Variants in BSPRY observed in about 807,000 individuals in gnomAD.
BSPRY encodes the protein B-box and SPRY domain containing, also known as B box and SPRY domain-containing protein.
A neutral mutation model predicts 38.0 loss-of-function variants in BSPRY; 33 were observed. The observed-to-expected ratio is 0.87, with a 90% confidence interval of 0.66 to 1.16. The LOEUF (loss-of-function observed/expected upper bound fraction) is 1.16, where lower values mean the gene tolerates loss of function less well. Ranked by LOEUF, BSPRY falls within the 50% of genes most tolerant of loss-of-function variation. The pLI, the probability that BSPRY is intolerant of heterozygous loss-of-function variation, is 0.00. For missense variants in BSPRY, 523 were observed against 533.2 expected (o/e 0.98, Z 0.19); for synonymous variants, 224 against 228.5 (o/e 0.98, Z 0.18).
Position 113,363,866 on chromosome 9 carries a change from G to A in BSPRY, c.557+1472G>A, listed in dbSNP as rs187158918. 4.5e-3 allele frequency among the ~76,000 whole-genome samples: 442 copies of A among 99,168 alleles called. 1 individual carries two copies. The highest frequency in any genetic ancestry group is 0.013 in the Admixed American group (84 of 6,256). The allele number at this position is 99,168 out of a possible 152,430, so 65.1% of individuals were successfully genotyped here. ...CACTCCAGCCTGGGTGACAGAGTGA[G>A]ACTCCACCTCAAAAAAAAAAAAAAA... On this transcript the variant is annotated intron_variant, in intron 4 of 5. Transcript: ENST00000374183.
At chr9:113,360,046 T>C (rs1077636) in intron 2 of BSPRY, among the ~76,000 whole-genome samples, 92,762 of 151,956 alleles carry the variant, frequency 0.61, 28,732 homozygotes, top group South Asian at 0.71. Flanking sequence ...AAATGGACAG[T>C]TTTAGGAAGT....
intron 2 of BSPRY, among the ~76,000 whole-genome samples, chr9:113,358,847 G>A (rs572555251): frequency 3.2e-4 from 48 of 152,204 alleles, no homozygotes; most frequent in African/African-American, 1.1e-3. Context: ...TGTGGGTAAG[G>A]CATTAAAGTG....
chr9:113,356,744 T>C (rs1834066233), intron 2 of BSPRY, among the ~76,000 whole-genome samples: 2 of 151,628 alleles, frequency 1.3e-5, no homozygotes, highest in Admixed American at 1.3e-4. Flanking sequence ...AGAGGGGAGG[T>C]GTCAGGATAA....
At position 113,370,637 on chromosome 9, in the gene BSPRY, G is replaced by A. The variant is rs1834333793; in HGVS notation, c.*495G>A. ...TCTAGCATGGTGCCTGGTGCATAGTGAGCATGCAATAAATATTTGGCAGGT... is the reference window on the plus strand; with the variant it reads ...TCTAGCATGGTGCCTGGTGCATAGTAAGCATGCAATAAATATTTGGCAGGT... On this transcript the variant is annotated 3_prime_UTR_variant, in exon 6 of 6. Coordinates refer to ENST00000374183, the MANE Select transcript of BSPRY (RefSeq NM_017688.3). The surrounding 1 kb of genome is among the most constrained non-coding windows in gnomAD (Gnocchi z 4.8). The A allele has an allele frequency of 1.3e-5, 2 of 152,664 alleles. No individual in the cohort carries two copies. Among genetic ancestry groups the A allele is most frequent in the African/African-American group, 4.8e-5 (2 of 41,448 alleles). 9.5% of individuals were successfully genotyped at this position (152,664 alleles called of 1,614,324 possible).
At chr9:113,369,121 G>C (rs1834299029) in intron 5 of BSPRY, among the ~76,000 whole-genome samples, 1 of 152,026 alleles carries the variant, frequency 6.6e-6, no homozygotes, top group Non-Finnish European at 1.5e-5. Context: ...ATATTTGCTA[G>C]AAATTGCTTA....
rs552734879 is a variant in BSPRY at position 113,369,979 on chromosome 9, G to A, written c.1046G>A (p.Arg349Gln). The A allele has an allele frequency of 1.1e-5, 17 of 1,614,094 alleles. No homozygotes were observed. The highest frequency in any genetic ancestry group is 5.0e-5 in the Admixed American group (3 of 60,030). Reference sequence around the variant, plus strand: ...CAGCACGAGCCCCTGGGGCTGCTGCGGGGCCCAGCCCAGCTGGGTGTAGTG... The same window carrying A: ...CAGCACGAGCCCCTGGGGCTGCTGCAGGGCCCAGCCCAGCTGGGTGTAGTG... ...NGQHEPLGLL[R>Q]GPAQLGVVLD... The change falls in exon 6 of 6, where the codon CGG becomes CAG. Residue 349 changes from arginine to glutamine, a missense_variant. Arg to Gln is a conservative substitution (Grantham distance 43). Coordinates refer to ENST00000374183, the MANE Select transcript of BSPRY (RefSeq NM_017688.3).
chr9:113,353,509 C>G (rs1440883490), intron 1 of BSPRY, among the ~76,000 whole-genome samples: 2 of 152,024 alleles, frequency 1.3e-5, no homozygotes, highest in Non-Finnish European at 2.9e-5. Flanking sequence ...TCGAAACCAG[C>G]CTGGCCAACA....
At chr9:113,368,190 AC>A (rs1318108101) in intron 4 of BSPRY, 68 bp from the exon 5 acceptor site, 26 of 1,574,620 alleles carry the variant, frequency 1.7e-5, no homozygotes, top group Non-Finnish European at 2.3e-5. Flanking sequence ...TCTTCTCTTC[AC>A]CCCATATTGA....
chr9:113,355,265 C>T (rs2118908027), intron 2 of BSPRY, among the ~76,000 whole-genome samples: 1 of 152,346 alleles, frequency 6.6e-6, no homozygotes, highest in African/African-American at 2.4e-5. Context: ...CATATCCCCT[C>T]CCTCCTTTCC....
chr9:113,352,228 T>C (rs559148126), intron 1 of BSPRY, among the ~76,000 whole-genome samples: 3 of 152,206 alleles, frequency 2.0e-5, no homozygotes, highest in African/African-American at 4.8e-5. Flanking sequence ...TCAACAAATA[T>C]TTATTCAGGG....
chr9:113,358,210 T>G (rs1834094828), intron 2 of BSPRY, among the ~76,000 whole-genome samples: 1 of 151,180 alleles, frequency 6.6e-6, no homozygotes, highest in South Asian at 2.1e-4. Context: ...ATTGCATCAC[T>G]GCATTCTAGC....
intron 3 of BSPRY, 34 bp downstream of exon 3, chr9:113,360,771 G>T: frequency 6.6e-7 from 1 of 1,512,770 alleles, no homozygotes; most frequent in Non-Finnish European, 9.0e-7. Flanking sequence ...ATGACCAGTT[G>T]GCCAGGCTCC....
At chr9:113,355,913 G>T (rs188407012) in intron 2 of BSPRY, among the ~76,000 whole-genome samples, 1 of 152,118 alleles carries the variant, frequency 6.6e-6, no homozygotes, top group African/African-American at 2.4e-5. Flanking sequence ...ACTGTGCCTG[G>T]CCCGACAAAT....
At chr9:113,357,769 C>T (rs919709311) in intron 2 of BSPRY, among the ~76,000 whole-genome samples, 5 of 150,758 alleles carry the variant, frequency 3.3e-5, no homozygotes, top group Admixed American at 6.6e-5. Flanking sequence ...AATGCAGTGG[C>T]GCAATCATAG....
chr9:113,363,790 A>G (rs1418057942), intron 4 of BSPRY, among the ~76,000 whole-genome samples: 1 of 147,976 alleles, frequency 6.8e-6, no homozygotes, highest in Non-Finnish European at 1.5e-5. Context: ...AGGCAGGAGA[A>G]TCTCTTGAAC....
Position 113,370,874 on chromosome 9 carries a change from A to G in BSPRY, c.*732A>G, listed in dbSNP as rs1280279935. On this transcript the variant is annotated 3_prime_UTR_variant, in exon 6 of 6. Transcript: ENST00000374183. The surrounding 1 kb of genome is among the most constrained non-coding windows in gnomAD (Gnocchi z 4.8). ...TTTCATGACATGGCACATAGAGAAA[A>G]TATTTTTTTCTAGCACACAAGAGCA... 1 of 152,194 alleles carries G rather than the reference A, an allele frequency of 6.6e-6. No individual in the cohort carries two copies. The allele number at this position is 152,194 out of a possible 1,614,324, so 9.4% of individuals were successfully genotyped here. A position where few individuals can be genotyped will look rare whatever the true frequency, so the allele number is the denominator to read the frequency against.
At position 113,370,294 on chromosome 9, in the gene BSPRY, T is replaced by A; in HGVS notation, c.*152T>A. ...GCTTTAGGAGGGATGGGGATCTGTT[T>A]CAGATCTAGGCATAACCTGTAAATC... On this transcript the variant is annotated 3_prime_UTR_variant, in exon 6 of 6. Coordinates refer to ENST00000374183, the MANE Select transcript of BSPRY (RefSeq NM_017688.3). This position sits in a 1 kb window ranked among gnomAD's most constrained non-coding sequence, Gnocchi z 4.8. 1.1e-6 allele frequency: 1 copy of A among 924,282 alleles called. No homozygotes were observed. Among genetic ancestry groups the A allele is most frequent in the Non-Finnish European group, 1.5e-6 (1 of 646,720 alleles). 57.3% of individuals were successfully genotyped at this position (924,282 alleles called of 1,614,324 possible). A position where few individuals can be genotyped will look rare whatever the true frequency, so the allele number is the denominator to read the frequency against.
chr9:113,359,705 A>T (rs563609325), intron 2 of BSPRY, among the ~76,000 whole-genome samples: 1 of 152,282 alleles, frequency 6.6e-6, no homozygotes, highest in South Asian at 2.1e-4. Context: ...CTGAATTGCC[A>T]TGTGAGCACT....
intron 5 of BSPRY, among the ~76,000 whole-genome samples, chr9:113,369,173 C>A (rs818710): frequency 0.74 from 112,127 of 151,964 alleles, 41,661 homozygotes; most frequent in East Asian, 0.98. Context: ...TTCTAGGACA[C>A]GTCCAATCTG....
Sources: allele counts gnomAD v4.1 joint callset (sites outside exome capture counted in the v4.1 genomes callset), GRCh38; gene constraint gnomAD v4.1.1; non-coding constraint Gnocchi (gnomAD v3.1); transcripts MANE v1.5; gene names NCBI Gene and HGNC (gene_info 2026-07-23, HGNC 2026-07-21).